The following USH2A variants were observed in gnomAD, a reference collection of about 807,000 sequenced individuals.
USH2A encodes the protein Usher syndrome 2A (autosomal recessive, mild).
A neutral mutation model predicts 538.9 loss-of-function variants in USH2A; 443 were observed. The ratio of observed to expected loss-of-function variants is 0.82; its 90% CI spans 0.76 to 0.89. The LOEUF is 0.89. USH2A is among the 40% of genes least tolerant of loss of function. USH2A has a pLI of 0.00. For synonymous variants in USH2A, 2,413 were observed against 2,273.5 expected, an observed-to-expected ratio of 1.06 and a Z score of -1.75; for missense variants, 6,633 against 6,324.8, an observed-to-expected ratio of 1.05 and a Z score of -1.65.
intron 3 of USH2A, among the ~76,000 whole-genome samples, chr1:216,403,529 A>G (rs1417240573): frequency 1.3e-5 from 2 of 152,188 alleles, no homozygotes; most frequent in East Asian, 3.8e-4. Context: ...AAATTCCAAC[A>G]AATAAAGAAT....
At chr1:216,045,947 A>C (rs1281544023) in intron 32 of USH2A, among the ~76,000 whole-genome samples, 3 of 151,934 alleles carry the variant, frequency 2.0e-5, no homozygotes, top group Admixed American at 6.6e-5. Context: ...ACAGGAGATA[A>C]AAATAAGCAA....
At position 216,351,398 on chromosome 1, in the gene USH2A, AG is replaced by A. The variant is rs1384612638; in HGVS notation, c.784+13554del. Reference sequence around the variant, plus strand: ...GCCTGATGGATATCAGGAGGTGAAAAGTTCCAGGTTGAAAGAACAGCGAATG... The same window carrying A: ...GCCTGATGGATATCAGGAGGTGAAAATTCCAGGTTGAAAGAACAGCGAATG... On this transcript the variant is annotated intron_variant, in intron 4 of 71. Coordinates refer to ENST00000307340, the MANE Select transcript of USH2A (RefSeq NM_206933.4). Among the ~76,000 whole-genome samples, 5 of 152,284 alleles carry A rather than the reference AG, an allele frequency of 3.3e-5. No individual in the cohort carries two copies. The East Asian group carries it at 9.7e-4, about 29-fold the overall frequency.
At position 215,650,635 on chromosome 1, in the gene USH2A, A is replaced by G. The variant is rs2102644814; in HGVS notation, c.14300T>C (p.Leu4767Pro). 7 of 1,614,192 alleles carry G rather than the reference A, an allele frequency of 4.3e-6. No individual in the cohort carries two copies. Among genetic ancestry groups the G allele is most frequent in the Non-Finnish European group, 4.2e-6 (5 of 1,180,040 alleles). The change falls in exon 65 of 72, where the codon CTC becomes CCC. Residue 4767 changes from leucine to proline, a missense_variant. Transcript: ENST00000307340. ...APGKPNGIVS[L>P]YRLFSSSAHG... ...GGCGCTGCTGGAGAACAGCCTGTAG[A>G]GACTGACGATCCCGTTGGGCTTCCC...
intron 25 of USH2A, 52 bp downstream of exon 25, chr1:216,084,646 A>G (rs1379156680): frequency 6.3e-7 from 1 of 1,589,884 alleles, no homozygotes; most frequent in Non-Finnish European, 8.6e-7. Flanking sequence ...AATTATACAA[A>G]GGATAGAACA....
At chr1:216,240,880 C>A (rs1241960825) in intron 13 of USH2A, among the ~76,000 whole-genome samples, 1 of 152,128 alleles carries the variant, frequency 6.6e-6, no homozygotes, top group African/African-American at 2.4e-5. Context: ...TTGGATATAG[C>A]TGTGCAACAG....
At chr1:216,065,586 G>A (rs1056683594) in intron 30 of USH2A, among the ~76,000 whole-genome samples, 12 of 152,128 alleles carry the variant, frequency 7.9e-5, no homozygotes, top group Non-Finnish European at 8.8e-5. Context: ...GAGAAAATGT[G>A]AATCATTCAA....
At chr1:215,938,905 C>T (rs952367858) in intron 37 of USH2A, among the ~76,000 whole-genome samples, 4 of 152,080 alleles carry the variant, frequency 2.6e-5, no homozygotes, top group East Asian at 1.9e-4. Context: ...CTGAATTCTA[C>T]GCCAGGCCTA....
intron 49 of USH2A, among the ~76,000 whole-genome samples, chr1:215,813,347 A>G (rs2102792603): frequency 6.6e-6 from 1 of 152,186 alleles, no homozygotes; most frequent in East Asian, 1.9e-4. Context: ...AGAACAATGC[A>G]TGTGTAGTTC....
intron 4 of USH2A, among the ~76,000 whole-genome samples, chr1:216,355,835 T>A (rs1391391327): frequency 6.6e-6 from 1 of 152,098 alleles, no homozygotes; most frequent in South Asian, 2.1e-4. Context: ...CCAAAAAAAA[T>A]TAAATATGGT....
chr1:215,955,035 T>C (rs1444126513), intron 37 of USH2A, among the ~76,000 whole-genome samples: 1 of 152,172 alleles, frequency 6.6e-6, no homozygotes, highest in Non-Finnish European at 1.5e-5. Flanking sequence ...AAAGAAACTT[T>C]CTTGACCCTC....
chr1:215,671,703 G>A (rs539021252), intron 63 of USH2A, among the ~76,000 whole-genome samples: 1 of 152,242 alleles, frequency 6.6e-6, no homozygotes, highest in East Asian at 1.9e-4. Flanking sequence ...GTACTCTTCA[G>A]AATTACTTAA....
chr1:216,004,697 T>C (rs1668351826), intron 32 of USH2A, among the ~76,000 whole-genome samples: 1 of 152,206 alleles, frequency 6.6e-6, no homozygotes, highest in Non-Finnish European at 1.5e-5. Flanking sequence ...ATTTTTAAAG[T>C]AATTTAAATG....
chr1:216,203,199 C>CTA (rs59663585), intron 16 of USH2A, among the ~76,000 whole-genome samples: 2,316 of 151,138 alleles, frequency 0.015, 40 homozygotes, highest in African/African-American at 0.031. Flanking sequence ...TAGTATTAAA[C>CTA]TATATATATA....
chr1:215,680,396 T>C lies in USH2A; in HGVS notation c.12067-20A>G, dbSNP rs1658188156. 1 of 1,540,962 alleles carries C rather than the reference T, an allele frequency of 6.5e-7. No individual in the cohort carries two copies. Among genetic ancestry groups the C allele is most frequent in the Admixed American group, 2.0e-5 (1 of 50,318 alleles). On this transcript the variant is annotated intron_variant, in intron 61 of 71. Transcript: ENST00000307340. ...TGTTCCCTGTAAGAAAATTAACAGG[T>C]TAAGTTGTTGTTTTTTTTTTTTGAA...
intron 10 of USH2A, among the ~76,000 whole-genome samples, chr1:216,289,656 G>A (rs1489666516): frequency 4.6e-5 from 7 of 152,060 alleles, no homozygotes; most frequent in Non-Finnish European, 8.8e-5. Context: ...CTAAAAAGCT[G>A]TGCTTTATAG....
At chr1:216,375,102 A>C (rs957145289) in intron 3 of USH2A, among the ~76,000 whole-genome samples, 4 of 152,104 alleles carry the variant, frequency 2.6e-5, no homozygotes, top group African/African-American at 9.7e-5. Flanking sequence ...CTTCTATATT[A>C]TTTCTATAAA....
chr1:216,364,055 T>C (rs565805933), intron 4 of USH2A, among the ~76,000 whole-genome samples: 78 of 150,914 alleles, frequency 5.2e-4, no homozygotes, highest in African/African-American at 1.7e-3. Context: ...TATAATAATA[T>C]AAAATACTAT....
intron 38 of USH2A, among the ~76,000 whole-genome samples, chr1:215,907,571 T>C (rs376097772): frequency 1.5e-4 from 23 of 152,188 alleles, no homozygotes; most frequent in African/African-American, 5.5e-4. Context: ...CTGACTTTCC[T>C]TTCTTCAAGT....
At chr1:216,024,259 A>C (rs1238504860) in intron 32 of USH2A, among the ~76,000 whole-genome samples, 2 of 152,124 alleles carry the variant, frequency 1.3e-5, no homozygotes, top group East Asian at 1.9e-4. Flanking sequence ...ACATGAGTGA[A>C]TCACTGGAGC....
Sources: gnomAD v4.1 joint callset for allele counts (sites outside exome capture counted in the v4.1 genomes callset) on GRCh38, gnomAD v4.1.1 for gene constraint, MANE v1.5 for transcripts, NCBI Gene and HGNC (gene_info 2026-07-23, HGNC 2026-07-21) for gene names.